Variants in HIVEP1 observed in about 807,000 individuals in gnomAD.
The protein encoded by HIVEP1 is HIVEP zinc finger 1, also known as zinc finger protein 40.
Under a neutral mutation model 180.0 loss-of-function variants are expected in HIVEP1, and 36 were observed. The observed-to-expected ratio is 0.20, with a 90% CI of 0.15 to 0.26. The LOEUF is 0.26. Among genes scored for constraint, HIVEP1 ranks in the 10% least tolerant of loss-of-function variants. HIVEP1 has a pLI of 1.00. For missense variants in HIVEP1, 3,143 were observed against 3,268.7 expected (o/e 0.96, Z 0.94); for synonymous variants, 1,239 against 1,239.0 (o/e 1.00, Z 0.00).
chr6:12,140,748 C>A (rs1343475570), intron 7 of HIVEP1, among the ~76,000 whole-genome samples: 2 of 152,006 alleles, frequency 1.3e-5, no homozygotes, highest in Non-Finnish European at 2.9e-5. Flanking sequence ...CTGATTTGAT[C>A]AAGTGGAAGA....
At chr6:12,168,630 T>A (rs1760822369), downstream of HIVEP1, among the ~76,000 whole-genome samples, 1 of 151,910 alleles carries the variant, frequency 6.6e-6, no homozygotes, top group Non-Finnish European at 1.5e-5. Context: ...CTTTCTGTGC[T>A]AGCAATATAG....
intron 2 of HIVEP1, among the ~76,000 whole-genome samples, chr6:12,085,354 A>G (rs1015376497): frequency 3.3e-5 from 5 of 152,048 alleles, no homozygotes; most frequent in African/African-American, 1.2e-4. Flanking sequence ...GTTAAGTCCT[A>G]GGGTCTGGTT....
chr6:12,102,660 A>G (rs1774179454), intron 3 of HIVEP1, among the ~76,000 whole-genome samples: 1 of 152,242 alleles, frequency 6.6e-6, no homozygotes, highest in African/African-American at 2.4e-5. Flanking sequence ...CTTTGAAACA[A>G]AAATACAGCT....
chr6:12,132,891 A>G (rs1223751733), intron 6 of HIVEP1, among the ~76,000 whole-genome samples: 1 of 152,124 alleles, frequency 6.6e-6, no homozygotes, highest in Non-Finnish European at 1.5e-5. Context: ...ACTTTTTGTG[A>G]ATCTATGTAA....
intron 1 of HIVEP1, 123 bp downstream of exon 1, chr6:12,012,689 TGTGTGC>T: frequency 6.7e-6 from 1 of 148,734 alleles, no homozygotes; most frequent in Non-Finnish European, 1.5e-5. Flanking sequence ...TGTGTGTGTG[TGTGTGC>T]GTGTGTGTGC....
chr6:12,128,559 T>C (rs997366799), intron 4 of HIVEP1, among the ~76,000 whole-genome samples: 15 of 152,310 alleles, frequency 9.8e-5, no homozygotes, highest in African/African-American at 3.6e-4. Context: ...TTTGAGCCTT[T>C]ACTTAACACT....
At chr6:12,158,704 G>A (rs1475235336) in intron 7 of HIVEP1, among the ~76,000 whole-genome samples, 1 of 152,110 alleles carries the variant, frequency 6.6e-6, no homozygotes, top group East Asian at 1.9e-4. Context: ...CCTCCCCAAG[G>A]AGACAGGTTG....
At chr6:12,144,741 A>G (rs1394032782) in intron 7 of HIVEP1, among the ~76,000 whole-genome samples, 1 of 152,242 alleles carries the variant, frequency 6.6e-6, no homozygotes, top group African/African-American at 2.4e-5. Context: ...AAAAGAAGAC[A>G]TTTATGCAGC....
the HIVEP1 span, among the ~76,000 whole-genome samples, chr6:12,175,153 T>C: frequency 6.6e-6 from 1 of 152,200 alleles, no homozygotes; most frequent in Non-Finnish European, 1.5e-5. Context: ...AACAATATTA[T>C]TAGTATTGAA....
At chr6:12,012,600 G>C (rs1213151225) in intron 1 of HIVEP1, 34 bp downstream of exon 1, 1 of 144,304 alleles carries the variant, frequency 6.9e-6, no homozygotes, top group Admixed American at 6.9e-5. Flanking sequence ...GGGCGCTGCA[G>C]CTGGGGAGGG....
chr6:12,125,407 T>A lies in HIVEP1; in HGVS notation c.5612T>A (p.Val1871Asp). ...TCATCCACATCATTAACTCTTACAG[T>A]TCGAAGTTCACCTGCTCCTTCAGAA... ...IKSSTSLTLTVRSSPAPSENT... is the reference protein window; with the variant it reads ...IKSSTSLTLTDRSSPAPSENT... Residue 1871 changes from valine (V) to aspartate (D), a missense_variant, in exon 4 of 9, where the codon GTT (valine) becomes GAT (aspartate). This residue lies in a region of HIVEP1 where 1,357 missense variants were observed against 1,260.5 expected (regional missense o/e 1.08). Coordinates refer to ENST00000379388, the MANE Select transcript of HIVEP1 (RefSeq NM_002114.4). 1 of 1,614,028 alleles carries A rather than the reference T, an allele frequency of 6.2e-7. No individual in the cohort carries two copies. The highest frequency in any genetic ancestry group is 8.5e-7 in the Non-Finnish European group (1 of 1,179,936).
intron 3 of HIVEP1, among the ~76,000 whole-genome samples, chr6:12,104,156 A>G (rs1160931151): frequency 1.3e-5 from 2 of 152,036 alleles, no homozygotes; most frequent in African/African-American, 4.8e-5. Context: ...TGATTTCTCT[A>G]TATTTGTCTT....
the HIVEP1 span, among the ~76,000 whole-genome samples, chr6:12,199,159 C>A: frequency 6.6e-6 from 1 of 152,180 alleles, no homozygotes; most frequent in Non-Finnish European, 1.5e-5. Flanking sequence ...TTGTTCATGG[C>A]ATCTTCATTA....
intron 2 of HIVEP1, among the ~76,000 whole-genome samples, chr6:12,042,246 A>AT (rs534371025): frequency 6.8e-6 from 1 of 146,126 alleles, no homozygotes; most frequent in Non-Finnish European, 1.5e-5. Context: ...CGCCTGGCTA[A>AT]TTTTTTTTGT....
rs966635228 is a variant in HIVEP1 at position 12,018,019 on chromosome 6, G to T, written c.40+2351G>T. ...GGGGCCGTGCAGGAGCCCATGGCGT[G>T]GGGGGTGCTTAGGCATGGCGGGCTG... On this transcript the variant is annotated intron_variant, in intron 2 of 8. Coordinates refer to ENST00000379388, the MANE Select transcript of HIVEP1 (RefSeq NM_002114.4). 8.0e-4 allele frequency among the ~76,000 whole-genome samples: 122 copies of T among 152,330 alleles called. 1 individual carries two copies. The highest frequency in any genetic ancestry group is 6.8e-3 in the Middle Eastern group (2 of 292).
At position 12,129,828 on chromosome 6, in the gene HIVEP1, G is replaced by A. The variant is rs754265773; in HGVS notation, c.6145G>A (p.Glu2049Lys). The A allele has an allele frequency of 5.0e-6, 8 of 1,585,656 alleles. No homozygotes were observed. In the African/African-American group the frequency reaches 6.7e-5, roughly 13 times the overall value. Residue 2049 changes from glutamate to lysine, a missense_variant, in exon 5 of 9, where the codon GAG (glutamate) becomes AAG (lysine). Coordinates refer to ENST00000379388, the MANE Select transcript of HIVEP1 (RefSeq NM_002114.4). ...TAAAGATGCCTCTGAAATTAACAGT[G>A]AGCAAGATAAAGAAAATTCCTTAAT... is the stretch of plus-strand genomic sequence containing the variant. ...SNKDASEINSEQDKENSLIKS... is the reference protein window; with the variant it reads ...SNKDASEINSKQDKENSLIKS...
At chr6:12,028,955 C>A (rs2113632858) in intron 2 of HIVEP1, among the ~76,000 whole-genome samples, 1 of 152,292 alleles carries the variant, frequency 6.6e-6, no homozygotes, top group East Asian at 1.9e-4. Flanking sequence ...TAGAATCATA[C>A]AGTATATAGT....
At position 12,125,871 on chromosome 6, in the gene HIVEP1, G is replaced by T; in HGVS notation, c.6075+1G>T. 1 of 1,560,732 alleles carries T rather than the reference G, an allele frequency of 6.4e-7. No individual in the cohort carries two copies. Among genetic ancestry groups the T allele is most frequent in the Non-Finnish European group, 8.7e-7 (1 of 1,147,360 alleles). On this transcript the variant is annotated splice_donor_variant, in intron 4 of 8. Transcript: ENST00000379388. LOFTEE classifies it high-confidence loss of function. The stretch of plus-strand genomic sequence containing the variant: ...CAAGTGGAAAAGCAGCTTAAGCAAG[G>T]TACTTGAAATATAATTTATCTTCAG...
rs116463144 is a variant in HIVEP1, at chr6:12,067,918, G to T, written c.41-21266G>T. Among the ~76,000 whole-genome samples the T allele has an allele frequency of 9.1e-3, 1,383 of 152,176 alleles. 18 individuals are homozygous for T. Among genetic ancestry groups the T allele is most frequent in the African/African-American group, 0.032 (1,312 of 41,508 alleles). On this transcript the variant is annotated intron_variant, in intron 2 of 8. Coordinates refer to ENST00000379388, the MANE Select transcript of HIVEP1 (RefSeq NM_002114.4). ...AATAAAGATCATATCTGTAGTTGATGACTAAAGCTGTTAGATTTTATCCAT... is the reference window on the plus strand; with the variant it reads ...AATAAAGATCATATCTGTAGTTGATTACTAAAGCTGTTAGATTTTATCCAT...
Sources: allele counts gnomAD v4.1 joint callset (sites outside exome capture counted in the v4.1 genomes callset), GRCh38; gene constraint gnomAD v4.1.1; regional missense constraint gnomAD v4.1.1; transcripts MANE v1.5; gene names NCBI Gene and HGNC (gene_info 2026-07-23, HGNC 2026-07-21).